KIAA1671: variants seen among roughly 807,000 people sequenced by gnomAD.
The protein encoded by KIAA1671 is uncharacterized protein KIAA1671.
Under a neutral mutation model 131.2 loss-of-function variants are expected in KIAA1671, and 52 were observed. The observed-to-expected ratio is 0.40, with a 90% CI of 0.32 to 0.50. The LOEUF (loss-of-function observed/expected upper bound fraction) is 0.50. Among genes scored for constraint, KIAA1671 ranks in the 20% least tolerant of loss-of-function variants. The pLI is 0.73. For synonymous variants in KIAA1671, 1,003 were observed against 961.6 expected, an observed-to-expected ratio of 1.04 and a Z score of -0.80; for missense variants, 2,360 against 2,364.2, an observed-to-expected ratio of 1.00 and a Z score of 0.04.
intron 6 of KIAA1671, among the ~76,000 whole-genome samples, chr22:25,074,591 G>A (rs949616363): frequency 2.9e-5 from 4 of 137,936 alleles, no homozygotes; most frequent in African/African-American, 9.3e-5. Context: ...GTGTGTGTGC[G>A]TGTATATATA....
rs1304335760 is a variant in KIAA1671, at chr22:25,196,132, C to T, written c.*3731C>T. 1 of 152,126 alleles carries T rather than the reference C, an allele frequency of 6.6e-6. No individual in the cohort carries two copies. Among genetic ancestry groups the T allele is most frequent in the Non-Finnish European group, 1.5e-5 (1 of 68,040 alleles). 9.4% of individuals were successfully genotyped at this position (152,126 alleles called of 1,614,324 possible). On this transcript the variant is annotated 3_prime_UTR_variant, in exon 13 of 13. Coordinates refer to ENST00000358431, the MANE Select transcript of KIAA1671 (RefSeq NM_001145206.2). ...CCAGGTCTTTGCCAGCCTGCGTCTC[C>T]TTTTGCACCCCCCAATCCAGAGTTT...
In KIAA1671 at chr22:25,041,476, C is replaced by G; in HGVS notation, c.4346C>G (p.Ala1449Gly). Reference protein sequence around the residue: ...RPSLTGENLEAKMGPCWWESG... With the variant: ...RPSLTGENLEGKMGPCWWESG... ...AGCCTTACTGGAGAGAATTTGGAGGCCAAAATGGGACCCTGTTGGTGGGAG... is the reference window on the plus strand; with the variant it reads ...AGCCTTACTGGAGAGAATTTGGAGGGCAAAATGGGACCCTGTTGGTGGGAG... Residue 1449 changes from alanine (A) to glycine (G), a missense_variant, in exon 5 of 13, where the codon GCC (alanine) becomes GGC (glycine). Coordinates refer to ENST00000358431, the MANE Select transcript of KIAA1671 (RefSeq NM_001145206.2). The G allele has an allele frequency of 3.2e-6, 5 of 1,551,074 alleles. No homozygotes were observed. The South Asian group carries it at 6.0e-5, about 18-fold the overall frequency.
rs59765745 is a variant in KIAA1671, at chr22:25,164,978, C to CGTGTGTGTGTGT, written c.4531-5809_4531-5798dup. Among the ~76,000 whole-genome samples the CGTGTGTGTGTGT allele has an allele frequency of 3.8e-3, 440 of 116,594 alleles. 6 individuals are homozygous for CGTGTGTGTGTGT. Among genetic ancestry groups the CGTGTGTGTGTGT allele is most frequent in the Non-Finnish European group, 4.2e-3 (242 of 57,526 alleles). The allele number at this position is 116,594 out of a possible 152,430, so 76.5% of individuals were successfully genotyped here. ...AAAAAAAAAGAGAGAGAGTTGCAGGCGTGTGTGTGTGTGTGTGTGTGTGTG... is the reference window on the plus strand; with the variant it reads ...AAAAAAAAAGAGAGAGAGTTGCAGGCGTGTGTGTGTGTGTGTGTGTGTGTGTGTGTGTGTGTG... On this transcript the variant is annotated intron_variant, in intron 6 of 12. Coordinates refer to ENST00000358431, the MANE Select transcript of KIAA1671 (RefSeq NM_001145206.2).
At chr22:24,989,812 A>T (rs1033325222) in intron 1 of KIAA1671, among the ~76,000 whole-genome samples, 1 of 152,068 alleles carries the variant, frequency 6.6e-6, no homozygotes, top group East Asian at 1.9e-4. Flanking sequence ...TGCGGGGTGA[A>T]TGTCCGCCCG....
In KIAA1671 at chr22:25,149,307, C is replaced by T. The variant is rs186663496; in HGVS notation, c.4531-21513C>T. Among the ~76,000 whole-genome samples the T allele has an allele frequency of 2.6e-5, 4 of 152,352 alleles. No homozygotes were observed. In the East Asian group the frequency reaches 7.7e-4, roughly 29 times the overall value. On this transcript the variant is annotated intron_variant, in intron 6 of 12. Transcript: ENST00000358431. ...ACCTGGGGTTCCTCTTCCCTGAATC[C>T]TCGTGACCTTCATGGTCTGCATCTG...
chr22:25,141,981 A>G (rs918874159), intron 6 of KIAA1671, among the ~76,000 whole-genome samples: 2 of 152,090 alleles, frequency 1.3e-5, no homozygotes. Flanking sequence ...TATAACCTTT[A>G]CCTTACAGGG....
chr22:25,163,570 T>C lies in KIAA1671; in HGVS notation c.4531-7250T>C, dbSNP rs575905336. Among the ~76,000 whole-genome samples, 34 of 150,858 alleles carry C rather than the reference T, an allele frequency of 2.3e-4. No homozygotes were observed. The East Asian group carries it at 3.9e-3, about 17-fold the overall frequency. ...GATTCTCTTACCTCAGCCTCCAAAG[T>C]AGCTGGGACTACAGGTGCACGCCAC... On this transcript the variant is annotated intron_variant, in intron 6 of 12. Transcript: ENST00000358431.
In KIAA1671 at chr22:25,039,268, A is replaced by G; in HGVS notation, c.2138A>G (p.Asn713Ser). The stretch of plus-strand genomic sequence containing the variant: ...TACCCTTTGTCTGAAAACCACAATA[A>G]TAACACCTTCCTCAAACACTTGGAA... ...DKYPLSENHNNNTFLKHLENP... is the reference protein window; with the variant it reads ...DKYPLSENHNSNTFLKHLENP... Residue 713 changes from asparagine (N) to serine (S), a missense_variant, in exon 5 of 13, where the codon AAT (asparagine) becomes AGT (serine). Asn to Ser is a conservative substitution (Grantham distance 46, BLOSUM62 1). Around this residue, in one of 3 missense-constraint regions of KIAA1671, gnomAD observed 1,185 missense variants for 1,126.2 expected, o/e 1.05. Coordinates refer to ENST00000358431, the MANE Select transcript of KIAA1671 (RefSeq NM_001145206.2). 7.1e-6 allele frequency: 11 copies of G among 1,552,314 alleles called. No homozygotes were observed. The highest frequency in any genetic ancestry group is 8.7e-6 in the Non-Finnish European group (10 of 1,147,120).
chr22:25,122,183 G>A (rs1000865604), intron 6 of KIAA1671, among the ~76,000 whole-genome samples: 1 of 152,190 alleles, frequency 6.6e-6, no homozygotes, highest in African/African-American at 2.4e-5. Flanking sequence ...CGACTCCAGA[G>A]GCGGGGCTCG....
chr22:25,135,778 G>C (rs78326203), intron 6 of KIAA1671, among the ~76,000 whole-genome samples: 1 of 152,182 alleles, frequency 6.6e-6, no homozygotes, highest in Non-Finnish European at 1.5e-5. Context: ...TTGGTTCTGC[G>C]TTTCCAGTTC....
At chr22:25,092,606 T>C (rs1601303436) in intron 6 of KIAA1671, among the ~76,000 whole-genome samples, 1 of 152,002 alleles carries the variant, frequency 6.6e-6, no homozygotes, top group African/African-American at 2.4e-5. Flanking sequence ...CCAGTGGCAG[T>C]GGGGACTTGG....
intron 6 of KIAA1671, among the ~76,000 whole-genome samples, chr22:25,130,765 C>G (rs908083059): frequency 6.6e-6 from 1 of 152,150 alleles, no homozygotes; most frequent in Admixed American, 6.5e-5. Context: ...GAGAGCTCCT[C>G]TCCCCACTGC....
At chr22:24,963,905 A>T (rs1259014742) in intron 1 of KIAA1671, among the ~76,000 whole-genome samples, 1 of 148,204 alleles carries the variant, frequency 6.7e-6, no homozygotes, top group African/African-American at 2.5e-5. Context: ...ACGCCACTGC[A>T]CTCCAGCCTG....
chr22:25,090,940 C>T (rs1244829560), intron 6 of KIAA1671, among the ~76,000 whole-genome samples: 1 of 152,208 alleles, frequency 6.6e-6, no homozygotes, highest in Non-Finnish European at 1.5e-5. Flanking sequence ...GGCAGGGATC[C>T]TCATCTGTCT....
chr22:25,041,592 C>T lies in KIAA1671; in HGVS notation c.4395+67C>T, dbSNP rs1199170960. 4.2e-6 allele frequency: 6 copies of T among 1,439,616 alleles called. No homozygotes were observed. The African/African-American group carries it at 8.6e-5, about 21-fold the overall frequency. 89.2% of individuals were successfully genotyped at this position (1,439,616 alleles called of 1,614,324 possible). ...AAACATCTAGTCTAGGGGGCCGAAA[C>T]TCAGATTTTGTGTGGCCCACTTTGG... On this transcript the variant is annotated intron_variant, in intron 5 of 12. Coordinates refer to ENST00000358431, the MANE Select transcript of KIAA1671 (RefSeq NM_001145206.2).
At chr22:25,148,659 G>A (rs562471988) in intron 6 of KIAA1671, among the ~76,000 whole-genome samples, 21 of 152,298 alleles carry the variant, frequency 1.4e-4, no homozygotes, top group African/African-American at 3.4e-4. Context: ...CACGAGGGAC[G>A]TCAGCCTGGG....
At chr22:24,972,317 G>A (rs925155797) in intron 1 of KIAA1671, among the ~76,000 whole-genome samples, 1 of 152,094 alleles carries the variant, frequency 6.6e-6, no homozygotes, top group Non-Finnish European at 1.5e-5. Flanking sequence ...CTGCATTCAG[G>A]ACCCTGTGCT....
At chr22:25,046,889 C>A (rs1245761203) in intron 5 of KIAA1671, among the ~76,000 whole-genome samples, 1 of 152,016 alleles carries the variant, frequency 6.6e-6, no homozygotes, top group East Asian at 1.9e-4. Flanking sequence ...ATGAAGGCTC[C>A]CCAGGGGAAT....
intron 1 of KIAA1671, among the ~76,000 whole-genome samples, chr22:24,976,471 CTGT>C: frequency 6.6e-6 from 1 of 152,330 alleles, no homozygotes; most frequent in East Asian, 1.9e-4. Context: ...CTGGGACCCC[CTGT>C]TGTTGTGTTG....
Sources: allele counts gnomAD v4.1 joint callset (sites outside exome capture counted in the v4.1 genomes callset), GRCh38; gene constraint gnomAD v4.1.1; regional missense constraint gnomAD v4.1.1; transcripts MANE v1.5; gene names NCBI Gene and HGNC (gene_info 2026-07-23, HGNC 2026-07-21).